Variants in FYB1 observed in about 807,000 individuals in gnomAD.
The protein encoded by FYB1 is FYN binding protein 1, also known as FYN-binding protein 1.
Under a neutral mutation model 94.1 loss-of-function variants are expected in FYB1, and 41 were observed. The observed-to-expected ratio is 0.44, with a 90% CI of 0.34 to 0.57. The LOEUF is 0.57. Among genes scored for constraint, FYB1 ranks in the 20% least tolerant of loss-of-function variants. The pLI is 0.02. For missense variants in FYB1, 1,050 were observed against 976.8 expected (o/e 1.07, Z -1.00); for synonymous variants, 367 against 353.2 (o/e 1.04, Z -0.44).
chr5:39,110,743 A>G (rs925146512), intron 16 of FYB1: 7 of 323,686 alleles, frequency 2.2e-5, no homozygotes, highest in Non-Finnish European at 2.9e-5. Flanking sequence ...TTTAGTAAGC[A>G]TAGATTATAA....
intron 10 of FYB1, among the ~76,000 whole-genome samples, chr5:39,129,058 C>T (rs1488697754): frequency 1.3e-5 from 2 of 151,960 alleles, no homozygotes; most frequent in Non-Finnish European, 2.9e-5. Flanking sequence ...AAGCATCACA[C>T]TCCCTGATTT....
rs149039415 is a variant in FYB1 at position 39,245,577 on chromosome 5, C to A, written c.-28+28826G>T. The stretch of plus-strand genomic sequence containing the variant: ...AGGATTTCTGGGTTGGATGTCCAGA[C>A]AAGATGAGAAGGAAGAGGAAGAGGC... On this transcript the variant is annotated intron_variant, in intron 1 of 1. Transcript: ENST00000510188. 3.1e-4 allele frequency among the ~76,000 whole-genome samples: 47 copies of A among 149,764 alleles called. No individual in the cohort carries two copies. In the East Asian group the frequency reaches 8.6e-3, roughly 28 times the overall value.
rs532182149 is a variant in FYB1 at position 39,159,090 on chromosome 5, A to T, written c.1136-5486T>A. The stretch of plus-strand genomic sequence containing the variant: ...TGTGAAAGCATCTTAAAAAGTCTGA[A>T]GCATTGCATAAACATAAAAGATGGT... On this transcript the variant is annotated intron_variant, in intron 2 of 18. Transcript: ENST00000512982. Among the ~76,000 whole-genome samples the T allele has an allele frequency of 6.4e-4, 98 of 152,334 alleles. 4 individuals carry two copies. The Middle Eastern group carries it at 0.014, about 21-fold the overall frequency.
At chr5:39,121,368 T>C (rs1740081863) in intron 14 of FYB1, among the ~76,000 whole-genome samples, 1 of 152,138 alleles carries the variant, frequency 6.6e-6, no homozygotes, top group Admixed American at 6.6e-5. Context: ...GATCTTCATA[T>C]ATGAATGATG....
chr5:39,261,333 T>A (rs181799), intron 1 of FYB1, among the ~76,000 whole-genome samples: 1 of 108,074 alleles, frequency 9.3e-6, no homozygotes, highest in African/African-American at 3.6e-5. Context: ...CGTGTGTAGA[T>A]TAAGACACAC....
chr5:39,169,839 GTT>G, intron 2 of FYB1: 1 of 531,280 alleles, frequency 1.9e-6, no homozygotes, highest in Non-Finnish European at 3.6e-6. Flanking sequence ...TTATACTGGG[GTT>G]CACAGAACTA....
chr5:39,118,893 G>A lies in FYB1; in HGVS notation c.2382C>T (p.Cys794=). The change falls in exon 16 of 19, where the codon TGC becomes TGT. Residue 794 remains cysteine (C), a synonymous_variant. Transcript: ENST00000512982. ...ACTTACATTTCCCTTCTTCATTTCT[G>A]CAGAGAACTTTTGTGTCATCTGTGG... ...IQTTDDTKVL[C]RNEEGKYGYV... is the part of the protein sequence containing the mutation. 1 of 1,528,652 alleles carries A rather than the reference G, an allele frequency of 6.5e-7. No individual in the cohort carries two copies. 94.7% of individuals were successfully genotyped at this position (1,528,652 alleles called of 1,614,324 possible).
chr5:39,164,650 C>T (rs976801720), intron 2 of FYB1, among the ~76,000 whole-genome samples: 1 of 152,112 alleles, frequency 6.6e-6, no homozygotes, highest in Non-Finnish European at 1.5e-5. Flanking sequence ...CCTGACCTCA[C>T]GTGAACTACC....
chr5:39,153,427 G>A lies in FYB1; in HGVS notation c.1292+21C>T, dbSNP rs41302832. On this transcript the variant is annotated intron_variant, in intron 3 of 18. Transcript: ENST00000512982. ...ACGGCAAGAGACTAGGAAAGAAATC[G>A]CAAGATAATCTTTTGCTTACTTTAG... is the stretch of plus-strand genomic sequence containing the variant. 0.15 allele frequency: 244,363 copies of A among 1,609,792 alleles called. 20,361 individuals carry two copies. Among genetic ancestry groups the A allele is most frequent in the South Asian group, 0.26 (23,945 of 90,800 alleles).
intron 2 of FYB1, among the ~76,000 whole-genome samples, chr5:39,156,344 C>T (rs767636332): frequency 1.3e-5 from 2 of 152,172 alleles, no homozygotes; most frequent in South Asian, 2.1e-4. Flanking sequence ...GCTCTTCTAC[C>T]GGACTTGGAA....
At chr5:39,124,398 T>C (rs1409164812) in intron 12 of FYB1, 120 bp from the exon 13 acceptor site, 5 of 549,984 alleles carry the variant, frequency 9.1e-6, no homozygotes, top group African/African-American at 4.0e-5. Flanking sequence ...ACTTCATCTG[T>C]TGACCATCAT....
chr5:39,218,602 A>T (rs1279356474), intron 1 of FYB1, among the ~76,000 whole-genome samples: 3 of 152,214 alleles, frequency 2.0e-5, no homozygotes, highest in Non-Finnish European at 4.4e-5. Context: ...TATCCCCTCA[A>T]CAACTCCATG....
Position 39,119,038 on chromosome 5 carries a change from T to TAA in FYB1, c.2239-4_2239-3dup. On this transcript the variant is annotated splice_polypyrimidine_tract_variant and splice_region_variant and intron_variant, in intron 15 of 18. Coordinates refer to ENST00000512982, the MANE Select transcript of FYB1 (RefSeq NM_001465.6). ...TAGGACTCTAATTTCACCATCATAC[T>TAA]AAAAAAAAAAGAACAATATTTAAAT... 2.6e-5 allele frequency: 30 copies of TAA among 1,148,002 alleles called. No individual in the cohort carries two copies. Among genetic ancestry groups the TAA allele is most frequent in the Admixed American group, 6.5e-5 (2 of 30,760 alleles). 71.1% of individuals were successfully genotyped at this position (1,148,002 alleles called of 1,614,324 possible).
intron 1 of FYB1, among the ~76,000 whole-genome samples, chr5:39,264,118 T>C (rs562023456): frequency 2.0e-5 from 3 of 152,344 alleles, no homozygotes; most frequent in African/African-American, 7.2e-5. Context: ...GACATATCCC[T>C]TTGGACACAT....
intron 14 of FYB1, among the ~76,000 whole-genome samples, chr5:39,120,329 T>A (rs1739974067): frequency 6.6e-6 from 1 of 151,800 alleles, no homozygotes; most frequent in African/African-American, 2.4e-5. Flanking sequence ...TTTAGATCAG[T>A]TAATGGACTT....
intron 1 of FYB1, among the ~76,000 whole-genome samples, chr5:39,242,334 G>A (rs9292734): frequency 7.5e-6 from 1 of 133,826 alleles, no homozygotes; most frequent in South Asian, 2.4e-4. Flanking sequence ...GTTCCCCACC[G>A]TGTGTCCAAG....
intron 16 of FYB1, among the ~76,000 whole-genome samples, chr5:39,118,392 A>T (rs1476826873): frequency 2.0e-5 from 3 of 152,204 alleles, no homozygotes; most frequent in Non-Finnish European, 4.4e-5. Flanking sequence ...ATAATTTGAT[A>T]TTCTCCATAA....
At chr5:39,241,010 C>T (rs565847573) in intron 1 of FYB1, among the ~76,000 whole-genome samples, 70 of 152,280 alleles carry the variant, frequency 4.6e-4, no homozygotes, top group African/African-American at 1.6e-3. Context: ...AGATCATGTC[C>T]TCTGGAGCAA....
At chr5:39,236,209 T>G (rs1353051680) in intron 1 of FYB1, among the ~76,000 whole-genome samples, 1 of 152,034 alleles carries the variant, frequency 6.6e-6, no homozygotes, top group African/African-American at 2.4e-5. Flanking sequence ...TGCTTTGAAG[T>G]TAAGGATAAA....
Sources: allele counts gnomAD v4.1 joint callset (sites outside exome capture counted in the v4.1 genomes callset), GRCh38; gene constraint gnomAD v4.1.1; transcripts MANE v1.5; gene names NCBI Gene and HGNC (gene_info 2026-07-23, HGNC 2026-07-21).